UBL3: variants seen among roughly 807,000 people sequenced by gnomAD.
UBL3 encodes the protein ubiquitin-like protein 3.
A neutral mutation model predicts 18.4 loss-of-function variants in UBL3; 6 were observed. The observed-to-expected ratio is 0.33, with a 90% confidence interval of 0.18 to 0.64. The LOEUF (loss-of-function observed/expected upper bound fraction) is 0.64. UBL3 is among the 30% of genes least tolerant of loss of function. The probability of loss-of-function intolerance (pLI) is 0.76; values close to 1 mark genes in which losing one functional copy is unlikely to be tolerated. For synonymous variants in UBL3, 49 were observed against 46.6 expected (o/e 1.05, Z -0.21); for missense variants, 109 against 142.9 (o/e 0.76, Z 1.21).
chr13:29,817,329 TG>T (rs373517349), intron 1 of UBL3, among the ~76,000 whole-genome samples: 108 of 152,324 alleles, frequency 7.1e-4, no homozygotes, highest in East Asian at 2.9e-3. Context: ...TTTTTCTGTT[TG>T]TTTTGCCTCT....
chr13:29,803,047 G>A (rs568209500), intron 1 of UBL3, among the ~76,000 whole-genome samples: 2 of 152,224 alleles, frequency 1.3e-5, no homozygotes, highest in African/African-American at 2.4e-5. Context: ...GTTAAAAGCA[G>A]CTAGAGAGAA....
chr13:29,768,334 C>T (rs1051787866), intron 3 of UBL3, among the ~76,000 whole-genome samples: 2 of 152,034 alleles, frequency 1.3e-5, no homozygotes, highest in Admixed American at 6.6e-5. Flanking sequence ...ATAGAACACA[C>T]ACCCATGTCC....
chr13:29,821,827 A>AT (rs1878460388), intron 1 of UBL3, among the ~76,000 whole-genome samples: 1 of 152,216 alleles, frequency 6.6e-6, no homozygotes, highest in South Asian at 2.1e-4. Context: ...CTGACTGCAC[A>AT]TAAATCCCCA....
At chr13:29,772,041 T>G in intron 3 of UBL3, 71 bp downstream of exon 3, 1 of 1,344,228 alleles carries the variant, frequency 7.4e-7, no homozygotes, top group Non-Finnish European at 1.0e-6. Context: ...TCAAAGACAT[T>G]AACATTTAAA....
chr13:29,830,975 A>G (rs1031228407), intron 1 of UBL3, among the ~76,000 whole-genome samples: 6 of 152,178 alleles, frequency 3.9e-5, no homozygotes, highest in African/African-American at 1.4e-4. Context: ...TGTTGTTGAC[A>G]AATCTGCCTC....
At chr13:29,841,372 C>CAT (rs1008347424) in intron 1 of UBL3, among the ~76,000 whole-genome samples, 15 of 152,034 alleles carry the variant, frequency 9.9e-5, no homozygotes, top group South Asian at 4.2e-4. Context: ...CTATTTGTTA[C>CAT]ATATATATAT....
chr13:29,807,774 T>C (rs1877933203), intron 1 of UBL3, among the ~76,000 whole-genome samples: 1 of 152,190 alleles, frequency 6.6e-6, no homozygotes, highest in Admixed American at 6.5e-5. Flanking sequence ...AAAAAGTTGA[T>C]TCAAGACTTA....
At chr13:29,811,066 A>C (rs1428608935) in intron 1 of UBL3, among the ~76,000 whole-genome samples, 1 of 152,052 alleles carries the variant, frequency 6.6e-6, no homozygotes, top group African/African-American at 2.4e-5. Context: ...CCTTTTGCCC[A>C]TCCACTTTTT....
intron 2 of UBL3, among the ~76,000 whole-genome samples, chr13:29,776,463 A>G (rs1330764842): frequency 1.3e-5 from 2 of 151,658 alleles, no homozygotes; most frequent in African/African-American, 2.4e-5. Context: ...ACATCTTGCT[A>G]TGTTGCACAG....
At chr13:29,782,866 A>G (rs1286631560) in intron 1 of UBL3, among the ~76,000 whole-genome samples, 1 of 152,250 alleles carries the variant, frequency 6.6e-6, no homozygotes, top group Non-Finnish European at 1.5e-5. Flanking sequence ...AATTGAAAAG[A>G]GCAACAATAA....
At chr13:29,846,076 T>C (rs1209768015) in intron 1 of UBL3, among the ~76,000 whole-genome samples, 1 of 152,078 alleles carries the variant, frequency 6.6e-6, no homozygotes, top group East Asian at 1.9e-4. Context: ...AAATATTTTC[T>C]TGCAAAAAAC....
At position 29,807,807 on chromosome 13, in the gene UBL3, T is replaced by C. The variant is rs74044740; in HGVS notation, c.28-30544A>G. Among the ~76,000 whole-genome samples the C allele has an allele frequency of 2.3e-3, 351 of 152,298 alleles. 3 individuals carry two copies. Among genetic ancestry groups the C allele is most frequent in the African/African-American group, 8.3e-3 (346 of 41,570 alleles). On this transcript the variant is annotated intron_variant, in intron 1 of 4. Transcript: ENST00000380680. Reference sequence around the variant, plus strand: ...TTATCTCTAACAGTTAACTGCAAGATTGGCAAGACAGAAACCAAAATATTT... The same window carrying C: ...TTATCTCTAACAGTTAACTGCAAGACTGGCAAGACAGAAACCAAAATATTT...
chr13:29,845,702 A>C (rs955241169), intron 1 of UBL3, among the ~76,000 whole-genome samples: 4 of 152,128 alleles, frequency 2.6e-5, no homozygotes, highest in African/African-American at 9.6e-5. Context: ...TAAGCACATA[A>C]AATATACTGG....
intron 3 of UBL3, among the ~76,000 whole-genome samples, chr13:29,770,673 C>G (rs569812679): frequency 2.4e-4 from 37 of 152,012 alleles, no homozygotes; most frequent in African/African-American, 8.4e-4. Flanking sequence ...ATTTTTAATT[C>G]ACATAAGATC....
intron 1 of UBL3, among the ~76,000 whole-genome samples, chr13:29,797,051 G>GTATTTATAAATTAAT (rs550921439): frequency 6.6e-6 from 1 of 152,026 alleles, no homozygotes; most frequent in African/African-American, 2.4e-5. Flanking sequence ...AGCAGTTAAC[G>GTATTTATAAATTAAT]TATTTATAAA....
chr13:29,800,760 A>C (rs1433954604), intron 1 of UBL3, among the ~76,000 whole-genome samples: 1 of 152,204 alleles, frequency 6.6e-6, no homozygotes, highest in Non-Finnish European at 1.5e-5. Context: ...CATTGCCCTA[A>C]GTAACAAACA....
chr13:29,777,402 A>C (rs543108004), intron 1 of UBL3, 139 bp from the exon 2 acceptor site: 1 of 740,304 alleles, frequency 1.4e-6, no homozygotes, highest in East Asian at 2.8e-5. Flanking sequence ...ATTCTATAAA[A>C]CTTTTTTAAA....
chr13:29,780,972 G>A (rs1371613030), intron 1 of UBL3, among the ~76,000 whole-genome samples: 4 of 152,118 alleles, frequency 2.6e-5, no homozygotes, highest in East Asian at 1.9e-4. Flanking sequence ...TCAGGAGTTC[G>A]AGACCAGCCT....
At chr13:29,820,049 C>G (rs1193660310) in intron 1 of UBL3, among the ~76,000 whole-genome samples, 1 of 151,988 alleles carries the variant, frequency 6.6e-6, no homozygotes, top group Non-Finnish European at 1.5e-5. Context: ...CAACATATGG[C>G]TTTTTCTTTC....
Sources: allele counts gnomAD v4.1 joint callset (sites outside exome capture counted in the v4.1 genomes callset), GRCh38; gene constraint gnomAD v4.1.1; transcripts MANE v1.5; gene names NCBI Gene and HGNC (gene_info 2026-07-23, HGNC 2026-07-21).